The following MTMR8 variants were observed in gnomAD, a reference collection of about 807,000 sequenced individuals.
MTMR8 encodes myotubularin related protein 8.
A neutral mutation model predicts 39.3 loss-of-function variants in MTMR8; 65 were observed. The ratio of observed to expected loss-of-function variants is 1.65; its 90% CI spans 1.35 to 2.03. MTMR8 has a LOEUF of 2.03. Among genes scored for constraint, MTMR8 ranks in the 30% most tolerant of loss-of-function variants. The probability of loss-of-function intolerance (pLI) is 0.00; values close to 1 mark genes in which losing one functional copy is unlikely to be tolerated. For missense variants in MTMR8, 777 were observed against 538.9 expected (o/e 1.44, Z -4.37); for synonymous variants, 245 against 185.2 (o/e 1.32, Z -2.62).
In MTMR8 at chrX:64,336,127, A is replaced by C; in HGVS notation, c.1103T>G (p.Ile368Ser). 2 of 1,181,406 alleles carry C rather than the reference A, an allele frequency of 1.7e-6. No homozygotes were observed. The highest frequency in any genetic ancestry group is 2.3e-6 in the Non-Finnish European group (2 of 875,427). ...PFYRTFKGLM[I>S]LIEKEWISMG... is the part of the protein sequence containing the mutation. ...GGATATCCATTCCTTCTCTATCAAG[A>C]TCTTCATTTTATAGAAAAGAAAGTG... Residue 368 changes from isoleucine (I) to serine (S), a missense_variant and splice_region_variant, in exon 10 of 14, where the codon ATC (isoleucine) becomes AGC (serine). Ile to Ser is a moderately radical substitution (Grantham distance 142). Transcript: ENST00000374852.
chrX:64,295,798 A>C (rs1300018237), intron 12 of MTMR8, among the ~76,000 whole-genome samples: 1 of 112,087 alleles, frequency 8.9e-6, no homozygotes, highest in Non-Finnish European at 1.9e-5. Flanking sequence ...CAAAAAATAA[A>C]AGGAAAAATG....
At chrX:64,274,698 A>T (rs1043321036) in intron 12 of MTMR8, among the ~76,000 whole-genome samples, 2 of 112,349 alleles carry the variant, frequency 1.8e-5, no homozygotes, top group Admixed American at 9.5e-5. Context: ...TGTGATATAT[A>T]CATACATAAT....
chrX:64,358,895 G>A (rs756675500), intron 2 of MTMR8, among the ~76,000 whole-genome samples: 1 of 98,801 alleles, frequency 1.0e-5, no homozygotes, highest in African/African-American at 4.5e-5. Context: ...ATATACCCAG[G>A]TAAAATCCTG....
intron 8 of MTMR8, among the ~76,000 whole-genome samples, chrX:64,342,649 A>G (rs1377446941): frequency 8.9e-6 from 1 of 112,285 alleles, no homozygotes; most frequent in Non-Finnish European, 1.9e-5. Flanking sequence ...AGGGTCACAT[A>G]GTGAACATCA....
Position 64,331,766 on chromosome X carries a change from T to G in MTMR8, c.1152-9A>C. The G allele has an allele frequency of 8.4e-7, 1 of 1,186,819 alleles. No homozygotes were observed. The highest frequency in any genetic ancestry group is 2.3e-4 in the Middle Eastern group (1 of 4,281). The stretch of plus-strand genomic sequence containing the variant: ...CATCGAGGTGGCCACACCTGAGAGA[T>G]GAAAATAAAGGTAAAGAAAGACACT... On this transcript the variant is annotated splice_polypyrimidine_tract_variant and intron_variant, in intron 10 of 13. Coordinates refer to ENST00000374852, the MANE Select transcript of MTMR8 (RefSeq NM_017677.4).
chrX:64,297,894 G>A (rs1324845465), intron 12 of MTMR8, among the ~76,000 whole-genome samples: 2 of 102,958 alleles, frequency 1.9e-5, no homozygotes, highest in African/African-American at 7.1e-5. Context: ...ATAGTTGTAG[G>A]TAGGCGGCGT....
intron 12 of MTMR8, among the ~76,000 whole-genome samples, chrX:64,302,611 C>T (rs1023222409): frequency 8.9e-6 from 1 of 112,560 alleles, no homozygotes; most frequent in Non-Finnish European, 1.9e-5. Flanking sequence ...ATGCTGTTTA[C>T]TTCTTCATTA....
intron 12 of MTMR8, among the ~76,000 whole-genome samples, chrX:64,277,565 GCC>G (rs1350486319): frequency 8.9e-6 from 1 of 111,827 alleles, no homozygotes; most frequent in Admixed American, 9.4e-5. Flanking sequence ...TTGAATATTG[GCC>G]CCCACTCTCT....
At chrX:64,353,983 CA>C (rs1372788394) in intron 4 of MTMR8, among the ~76,000 whole-genome samples, 2 of 109,085 alleles carry the variant, frequency 1.8e-5, no homozygotes, top group Non-Finnish European at 3.8e-5. Context: ...AACTCAGTCA[CA>C]AAAAAATGTA....
At chrX:64,272,956 A>G (rs1029448478) in intron 12 of MTMR8, among the ~76,000 whole-genome samples, 9 of 111,828 alleles carry the variant, frequency 8.0e-5, no homozygotes, top group African/African-American at 1.3e-4. Flanking sequence ...TTCAAAAACG[A>G]AAGAGAGATC....
intron 12 of MTMR8, among the ~76,000 whole-genome samples, chrX:64,292,110 T>A (rs1004257455): frequency 1.8e-5 from 2 of 112,081 alleles, no homozygotes; most frequent in Admixed American, 1.9e-4. Flanking sequence ...GAGAATATCC[T>A]TGTCCTTGGA....
At chrX:64,345,760 G>A (rs778147522) in intron 6 of MTMR8, among the ~76,000 whole-genome samples, 4 of 111,204 alleles carry the variant, frequency 3.6e-5, no homozygotes, top group African/African-American at 6.5e-5. Flanking sequence ...CTACAGGCAC[G>A]TACCACCATG....
chrX:64,285,100 T>A (rs1487851555), intron 12 of MTMR8, among the ~76,000 whole-genome samples: 1 of 111,225 alleles, frequency 9.0e-6, no homozygotes, highest in African/African-American at 3.3e-5. Context: ...GAGACACACT[T>A]AGGCTCAAAA....
chrX:64,293,916 C>T (rs1446625510), intron 12 of MTMR8, among the ~76,000 whole-genome samples: 1 of 111,881 alleles, frequency 8.9e-6, no homozygotes, highest in African/African-American at 3.2e-5. Flanking sequence ...TCAATCAGCT[C>T]GTAACTCCAT....
At chrX:64,395,314 C>G (rs1924792009) in intron 1 of MTMR8, 26 bp downstream of exon 1, 1 of 1,208,441 alleles carries the variant, frequency 8.3e-7, no homozygotes, top group Non-Finnish European at 1.1e-6. Flanking sequence ...TCGCGGCTGT[C>G]AGCCTCGCTT....
At chrX:64,272,236 A>T (rs1180391541) in intron 12 of MTMR8, among the ~76,000 whole-genome samples, 2 of 111,764 alleles carry the variant, frequency 1.8e-5, no homozygotes, top group Non-Finnish European at 3.8e-5. Flanking sequence ...AAAATATATG[A>T]ATTACCCGAC....
chrX:64,336,482 C>A (rs1009039110), intron 9 of MTMR8, among the ~76,000 whole-genome samples: 1 of 99,703 alleles, frequency 1.0e-5, no homozygotes, highest in African/African-American at 4.6e-5. Context: ...GTAACAAAAC[C>A]ATTTTTAACC....
rs1173020605 is a variant in MTMR8 at position 64,391,625 on chromosome X, ATAAT to A, written c.24+3711_24+3714del. 1.1e-4 allele frequency among the ~76,000 whole-genome samples: 12 copies of A among 112,320 alleles called. No individual in the cohort carries two copies. In the Admixed American group the frequency reaches 1.1e-3, roughly 11 times the overall value. The stretch of plus-strand genomic sequence containing the variant: ...CTCCCAATGTGATATTCTGCATATA[ATAAT>A]TAATAACGATGATGATAGTGACTGG... On this transcript the variant is annotated intron_variant, in intron 1 of 13. Transcript: ENST00000374852.
At chrX:64,312,697 T>C (rs1922350223) in intron 12 of MTMR8, among the ~76,000 whole-genome samples, 2 of 112,502 alleles carry the variant, frequency 1.8e-5, no homozygotes, top group Admixed American at 1.9e-4. Flanking sequence ...ATGGCAGCTA[T>C]GGCCATACAA....
Sources: gnomAD v4.1 joint callset for allele counts (sites outside exome capture counted in the v4.1 genomes callset) on GRCh38, gnomAD v4.1.1 for gene constraint, MANE v1.5 for transcripts, NCBI Gene and HGNC (gene_info 2026-07-23, HGNC 2026-07-21) for gene names.